FRMD4A: variants seen among roughly 807,000 people sequenced by gnomAD.
FRMD4A encodes FERM domain-containing protein 4A.
In FRMD4A, 29 loss-of-function variants were observed where a neutral mutation model predicts 129.1. That is an observed-to-expected ratio of 0.22 (90% CI 0.17 to 0.31). The LOEUF (loss-of-function observed/expected upper bound fraction) is 0.31. Among genes scored for constraint, FRMD4A ranks in the 10% least tolerant of loss-of-function variants. The probability of loss-of-function intolerance (pLI) is 1.00; values close to 1 mark genes in which losing one functional copy is unlikely to be tolerated. For missense variants in FRMD4A, 1,272 were observed against 1,375.8 expected (o/e 0.92, Z 1.19); for synonymous variants, 634 against 571.6 (o/e 1.11, Z -1.56).
chr10:13,783,816 A>G (rs1392879362), intron 5 of FRMD4A, among the ~76,000 whole-genome samples: 1 of 152,250 alleles, frequency 6.6e-6, no homozygotes, highest in African/African-American at 2.4e-5. Flanking sequence ...ATGAATGCAT[A>G]TTAAGCCAAA....
intron 2 of FRMD4A, among the ~76,000 whole-genome samples, chr10:14,174,714 C>T (rs1841641459): frequency 6.6e-6 from 1 of 152,176 alleles, no homozygotes; most frequent in African/African-American, 2.4e-5. Flanking sequence ...CCATGTTCAG[C>T]CCACTGTGAA....
intron 2 of FRMD4A, among the ~76,000 whole-genome samples, chr10:14,251,283 G>A (rs1564418014): frequency 6.6e-6 from 1 of 152,126 alleles, no homozygotes; most frequent in Non-Finnish European, 1.5e-5. Flanking sequence ...TTCTGTCTGG[G>A]GTGTGCTCTC....
chr10:14,262,772 T>A (rs371735773), intron 2 of FRMD4A, among the ~76,000 whole-genome samples: 3 of 152,158 alleles, frequency 2.0e-5, no homozygotes, highest in East Asian at 1.9e-4. Context: ...AGAGTGGTCA[T>A]CTTGGGGGCC....
At chr10:13,742,015 C>A (rs559310840) in intron 9 of FRMD4A, among the ~76,000 whole-genome samples, 1 of 152,122 alleles carries the variant, frequency 6.6e-6, no homozygotes, top group Non-Finnish European at 1.5e-5. Flanking sequence ...TGTCACCACA[C>A]CTTGCTAATT....
rs893888931 is a variant in FRMD4A, at chr10:13,857,013, C to T, written c.111+1834G>A. 3.9e-5 allele frequency among the ~76,000 whole-genome samples: 6 copies of T among 152,274 alleles called. No homozygotes were observed. In the East Asian group the frequency reaches 9.7e-4, roughly 25 times the overall value. ...CTCAGTTAACGATTCTGCTAATTAA[C>T]GAGATCTCACTCAATTTGATGGTTT... On this transcript the variant is annotated intron_variant, in intron 3 of 24. Transcript: ENST00000357447.
intron 2 of FRMD4A, among the ~76,000 whole-genome samples, chr10:14,000,904 C>A (rs2095640577): frequency 6.6e-6 from 1 of 152,160 alleles, no homozygotes; most frequent in Admixed American, 6.5e-5. Flanking sequence ...TCCAGAGACT[C>A]TCCTCAATGT....
At chr10:13,925,883 C>CT (rs150868660) in intron 2 of FRMD4A, among the ~76,000 whole-genome samples, 73 of 135,534 alleles carry the variant, frequency 5.4e-4, no homozygotes, top group African/African-American at 7.1e-4. Context: ...GCACCTGGCT[C>CT]TTTTTTTTTT....
intron 2 of FRMD4A, among the ~76,000 whole-genome samples, chr10:13,997,140 C>T (rs1235906343): frequency 2.6e-5 from 4 of 152,136 alleles, no homozygotes; most frequent in African/African-American, 9.7e-5. Context: ...TTCATCTTCT[C>T]TCTTGCCTTT....
intron 2 of FRMD4A, among the ~76,000 whole-genome samples, chr10:14,215,588 C>T (rs1843050082): frequency 6.6e-6 from 1 of 152,040 alleles, no homozygotes; most frequent in Admixed American, 6.5e-5. Flanking sequence ...GGGGGAAAAG[C>T]AAATTTAATA....
chr10:13,699,908 C>T (rs577575674), intron 14 of FRMD4A, among the ~76,000 whole-genome samples: 6 of 152,140 alleles, frequency 3.9e-5, no homozygotes, highest in African/African-American at 9.7e-5. Flanking sequence ...AGGAGAGCTG[C>T]GGAGAATACT....
At chr10:14,273,837 G>T (rs1271622892) in intron 2 of FRMD4A, among the ~76,000 whole-genome samples, 1 of 152,150 alleles carries the variant, frequency 6.6e-6, no homozygotes, top group Non-Finnish European at 1.5e-5. Flanking sequence ...TAGAAAAGTT[G>T]AGATTTATTT....
intron 2 of FRMD4A, among the ~76,000 whole-genome samples, chr10:14,018,164 C>T (rs560972422): frequency 1.4e-4 from 22 of 151,970 alleles, no homozygotes; most frequent in Admixed American, 7.9e-4. Context: ...GACATTAAGG[C>T]AGCTGGGTGC....
At chr10:14,205,806 C>CAAAAAAAAAAA (rs59803872) in intron 2 of FRMD4A, among the ~76,000 whole-genome samples, 1 of 67,334 alleles carries the variant, frequency 1.5e-5, no homozygotes, top group Non-Finnish European at 2.7e-5. Flanking sequence ...GACTCTGTCT[C>CAAAAAAAAAAA]AAAAAAAAAA....
Position 14,167,696 on chromosome 10 carries a change from C to T in FRMD4A, c.45+162362G>A, listed in dbSNP as rs139092871. Among the ~76,000 whole-genome samples the T allele has an allele frequency of 6.6e-4, 100 of 152,166 alleles. No individual in the cohort carries two copies. In the East Asian group the frequency reaches 0.018, roughly 27 times the overall value. On this transcript the variant is annotated intron_variant, in intron 2 of 24. Transcript: ENST00000357447. ...ACGTAGGCAGAGCATGTGATGGACA[C>T]CTAGCCCCATCCTGGGGCTTCAGAG...
chr10:13,918,688 C>G (rs758404397), intron 2 of FRMD4A, among the ~76,000 whole-genome samples: 1 of 151,942 alleles, frequency 6.6e-6, no homozygotes, highest in African/African-American at 2.4e-5. Flanking sequence ...ACCACCACAC[C>G]TGGCTAATTT....
intron 2 of FRMD4A, among the ~76,000 whole-genome samples, chr10:14,142,349 A>G (rs4748087): frequency 0.67 from 102,122 of 152,000 alleles, 34,944 homozygotes; most frequent in African/African-American, 0.8. Context: ...GGAAACTGTC[A>G]GGCAATTTAA....
intron 2 of FRMD4A, chr10:13,891,591 T>C (rs2131164527): frequency 1.0e-6 from 1 of 985,076 alleles, no homozygotes; most frequent in South Asian, 4.7e-5. Context: ...GTCGCCTCCC[T>C]GCCACCGCGA....
intron 2 of FRMD4A, among the ~76,000 whole-genome samples, chr10:14,156,091 T>C (rs942332903): frequency 1.3e-5 from 2 of 152,148 alleles, no homozygotes; most frequent in African/African-American, 2.4e-5. Flanking sequence ...TAAATGGTCA[T>C]AGCAGTATTG....
chr10:13,778,147 C>A (rs1428392799), intron 6 of FRMD4A, among the ~76,000 whole-genome samples: 1 of 152,050 alleles, frequency 6.6e-6, no homozygotes, highest in Non-Finnish European at 1.5e-5. Context: ...CCTTGCCATG[C>A]ATTTACTTCG....
Sources: allele counts gnomAD v4.1 joint callset (sites outside exome capture counted in the v4.1 genomes callset), GRCh38; gene constraint gnomAD v4.1.1; transcripts MANE v1.5; gene names NCBI Gene and HGNC (gene_info 2026-07-23, HGNC 2026-07-21).